DOCK9: variants seen among roughly 807,000 people sequenced by gnomAD.
DOCK9 encodes dedicator of cytokinesis protein 9.
DOCK9 carries 89 observed loss-of-function variants against 263.3 expected under a neutral mutation model. The ratio of observed to expected loss-of-function variants is 0.34; its 90% CI spans 0.28 to 0.40. The LOEUF (loss-of-function observed/expected upper bound fraction) is 0.40. Among genes scored for constraint, DOCK9 ranks in the 10% least tolerant of loss-of-function variants. DOCK9 has a pLI of 1.00. For synonymous variants in DOCK9, 976 were observed against 973.1 expected (o/e 1.00, Z -0.06); for missense variants, 2,140 against 2,603.4 (o/e 0.82, Z 3.87).
At chr13:98,806,133 T>A (rs914490393) in intron 48 of DOCK9, among the ~76,000 whole-genome samples, 13 of 152,246 alleles carry the variant, frequency 8.5e-5, no homozygotes, top group Non-Finnish European at 1.6e-4. Context: ...TTAGGAATAA[T>A]GTTTGGAAGC....
intron 39 of DOCK9, among the ~76,000 whole-genome samples, chr13:98,836,473 G>T (rs554155384): frequency 1.2e-4 from 19 of 152,202 alleles, no homozygotes; most frequent in Non-Finnish European, 2.6e-4. Context: ...CAGTGGGTCT[G>T]GGGAGTGGCC....
At chr13:98,805,304 T>C (rs2090570499) in intron 48 of DOCK9, 95 bp from the exon 49 acceptor site, 1 of 1,066,492 alleles carries the variant, frequency 9.4e-7, no homozygotes, top group African/African-American at 1.6e-5. Context: ...TATTTGTAAA[T>C]ATAACGGAGA....
chr13:98,808,972 T>C (rs1043372857), intron 47 of DOCK9: 1 of 1,078,054 alleles, frequency 9.3e-7, no homozygotes, highest in African/African-American at 1.6e-5. Context: ...AGAAAACAGG[T>C]GATTTATTTC....
At chr13:99,034,377 T>C (rs953608255) in intron 1 of DOCK9, among the ~76,000 whole-genome samples, 1 of 151,922 alleles carries the variant, frequency 6.6e-6, no homozygotes, top group Admixed American at 6.5e-5. Context: ...AGCCCCTTGA[T>C]ATACTGTGTT....
chr13:99,087,414 G>A (rs728981), upstream of DOCK9, among the ~76,000 whole-genome samples: 73,523 of 152,056 alleles, frequency 0.48, 18,088 homozygotes, highest in South Asian at 0.61. Flanking sequence ...GTGACACGGC[G>A]GCCCTCACTG....
chr13:98,955,459 C>G lies in DOCK9; in HGVS notation c.219G>C (p.Leu73=). 5 of 1,592,756 alleles carry G rather than the reference C, an allele frequency of 3.1e-6. No individual in the cohort carries two copies. The highest frequency in any genetic ancestry group is 4.3e-6 in the Non-Finnish European group (5 of 1,168,312). ...QILNDCLREM[L]LFPYDDFQTA... ...CCTGAAAGTCATCGTAAGGGAAGAG[C>G]AGCATCTCCCGTAAACAGTCGTTCA... Residue 73 remains leucine, a synonymous_variant, in exon 2 of 53, where the codon CTG becomes CTC. Coordinates refer to ENST00000682017, the MANE Select transcript of DOCK9 (RefSeq NM_001366683.2).
exon 1 of DOCK9, chr13:99,086,490 G>A (rs1433879535): frequency 4.2e-5 from 20 of 471,506 alleles, no homozygotes; most frequent in Non-Finnish European, 5.5e-5. Flanking sequence ...CCCGCTGCTC[G>A]CCGCGAGTCC....
chr13:98,873,285 C>A (rs1320205226), intron 27 of DOCK9, among the ~76,000 whole-genome samples: 7 of 152,226 alleles, frequency 4.6e-5, no homozygotes, highest in Admixed American at 1.3e-4. Context: ...ATGGTTTCAG[C>A]AGATTGGTAC....
chr13:98,814,465 G>C (rs956935247), intron 45 of DOCK9, among the ~76,000 whole-genome samples: 6 of 149,864 alleles, frequency 4.0e-5, no homozygotes, highest in African/African-American at 1.5e-4. Flanking sequence ...GAGTGCAGTG[G>C]CACAATCTTG....
chr13:99,027,235 G>T (rs1886848275), intron 1 of DOCK9, among the ~76,000 whole-genome samples: 1 of 152,022 alleles, frequency 6.6e-6, no homozygotes, highest in African/African-American at 2.4e-5. Flanking sequence ...GGCCAGGCTG[G>T]TATCGAACTC....
At chr13:98,803,340 A>T (rs573907302) in intron 49 of DOCK9, among the ~76,000 whole-genome samples, 1 of 152,258 alleles carries the variant, frequency 6.6e-6, no homozygotes, top group Non-Finnish European at 1.5e-5. Flanking sequence ...ATGAATCCGT[A>T]CACTGCCTTA....
At chr13:99,059,193 C>T (rs1422389272) in intron 1 of DOCK9, among the ~76,000 whole-genome samples, 1 of 152,170 alleles carries the variant, frequency 6.6e-6, no homozygotes, top group South Asian at 2.1e-4. Flanking sequence ...TGTCTGCAGT[C>T]GAGTCCAAGA....
intron 1 of DOCK9, among the ~76,000 whole-genome samples, chr13:99,020,206 A>C (rs1885917622): frequency 6.6e-6 from 1 of 152,244 alleles, no homozygotes; most frequent in Non-Finnish European, 1.5e-5. Context: ...GAACTCAACA[A>C]GAAATTGCTA....
intron 1 of DOCK9, among the ~76,000 whole-genome samples, chr13:98,990,461 T>C (rs1879539386): frequency 6.6e-6 from 1 of 152,212 alleles, no homozygotes; most frequent in Non-Finnish European, 1.5e-5. Flanking sequence ...CAATTGAGAG[T>C]ATGTTAAATA....
At chr13:99,031,292 G>T (rs144090459) in intron 1 of DOCK9, among the ~76,000 whole-genome samples, 1 of 152,118 alleles carries the variant, frequency 6.6e-6, no homozygotes, top group African/African-American at 2.4e-5. Flanking sequence ...GCCATGAGAC[G>T]TGGGTCACCT....
rs1236393943 is a variant in DOCK9, at chr13:98,893,316, T to C, written c.1709+4172A>G. Among the ~76,000 whole-genome samples the C allele has an allele frequency of 3.3e-5, 5 of 152,312 alleles. No homozygotes were observed. In the East Asian group the frequency reaches 9.6e-4, roughly 29 times the overall value. On this transcript the variant is annotated intron_variant, in intron 15 of 52. Transcript: ENST00000682017. ...ACCTAAACTATCCAACGTAGTACCA[T>C]TAAAAAGGTCTACGTTTTAAAGAAA...
rs943425670 is a variant in DOCK9, at chr13:98,805,138, T to C, written c.5586A>G (p.Glu1862=). The C allele has an allele frequency of 1.9e-6, 3 of 1,609,378 alleles. No individual in the cohort carries two copies. Among genetic ancestry groups the C allele is most frequent in the African/African-American group, 2.7e-5 (2 of 74,894 alleles). ...CTGTTTTCCTTTCTTGCAACTCTTT[T>C]TCGTCAAAGAAGGGGATGACGTGAG... The part of the protein sequence containing the change: ...QVTHVIPFFD[E]KELQERKTEF... The change falls in exon 49 of 53, where the codon GAA becomes GAG. Residue 1862 remains glutamate (E), a synonymous_variant. Transcript: ENST00000682017.
chr13:98,847,814 C>G (rs945243318), intron 37 of DOCK9: 1 of 152,164 alleles, frequency 6.6e-6, no homozygotes, highest in Non-Finnish European at 1.5e-5. Context: ...CAAGACCCCA[C>G]TAATACAATA....
chr13:98,861,688 AAC>A (rs2093875308), intron 32 of DOCK9, among the ~76,000 whole-genome samples: 1 of 152,252 alleles, frequency 6.6e-6, no homozygotes, highest in Non-Finnish European at 1.5e-5. Flanking sequence ...CTTTTTAAAA[AAC>A]AATCATATGA....
Sources: gnomAD v4.1 joint callset for allele counts (sites outside exome capture counted in the v4.1 genomes callset) on GRCh38, gnomAD v4.1.1 for gene constraint, MANE v1.5 for transcripts, NCBI Gene and HGNC (gene_info 2026-07-23, HGNC 2026-07-21) for gene names.